KLF12: variants seen among roughly 807,000 people sequenced by gnomAD.
KLF12 encodes the protein Krueppel-like factor 12.
A neutral mutation model predicts 37.8 loss-of-function variants in KLF12; 9 were observed. The ratio of observed to expected loss-of-function variants is 0.24; its 90% CI spans 0.14 to 0.42. KLF12 has a LOEUF of 0.42. KLF12 is among the 10% of genes least tolerant of loss of function. KLF12 has a pLI of 1.00. For missense variants in KLF12, 411 were observed against 516.0 expected (o/e 0.80, Z 1.97); for synonymous variants, 208 against 202.1 (o/e 1.03, Z -0.25).
intron 6 of KLF12, among the ~76,000 whole-genome samples, chr13:73,760,709 G>A (rs1443106841): frequency 1.3e-5 from 2 of 152,076 alleles, no homozygotes; most frequent in Non-Finnish European, 2.9e-5. Context: ...CACTACCACT[G>A]TTACACAACA....
intron 4 of KLF12, among the ~76,000 whole-genome samples, chr13:73,814,030 GTTAC>G (rs201054827): frequency 0.042 from 6,450 of 152,250 alleles, 203 homozygotes; most frequent in African/African-American, 0.092. Context: ...AAATGAGAGG[GTTAC>G]TTACTGTCAA....
chr13:73,687,639 C>G lies in KLF12; in HGVS notation c.*7851G>C, dbSNP rs547651285. ...AGATGTTGGTATGTCCCTAAAATATCTTACTTTTTGATTGCTTGGACACTT... is the reference window on the plus strand; with the variant it reads ...AGATGTTGGTATGTCCCTAAAATATGTTACTTTTTGATTGCTTGGACACTT... On this transcript the variant is annotated 3_prime_UTR_variant, in exon 8 of 8. Coordinates refer to ENST00000377669, the MANE Select transcript of KLF12 (RefSeq NM_007249.5). 5 of 151,994 alleles carry G rather than the reference C, an allele frequency of 3.3e-5. No homozygotes were observed. Among genetic ancestry groups the G allele is most frequent in the Admixed American group, 6.6e-5 (1 of 15,250 alleles). 9.4% of individuals were successfully genotyped at this position (151,994 alleles called of 1,614,324 possible). A position where few individuals can be genotyped will look rare whatever the true frequency, so the allele number is the denominator to read the frequency against.
At chr13:74,245,870 AT>A in the KLF12 span, among the ~76,000 whole-genome samples, 29 of 152,358 alleles carry the variant, frequency 1.9e-4, no homozygotes, top group African/African-American at 6.5e-4. Flanking sequence ...TAATACTAGA[AT>A]TTTAAAAAAT....
chr13:74,181,935 T>A, the KLF12 span, among the ~76,000 whole-genome samples: 1 of 152,202 alleles, frequency 6.6e-6, no homozygotes, highest in East Asian at 1.9e-4. Flanking sequence ...TGTGAGTTTG[T>A]GTATGTGCAC....
At chr13:73,809,186 G>A (rs1882799721) in intron 5 of KLF12, among the ~76,000 whole-genome samples, 1 of 152,122 alleles carries the variant, frequency 6.6e-6, no homozygotes, top group Admixed American at 6.5e-5. Flanking sequence ...TCAAGTACAG[G>A]AAACAGAGAG....
At chr13:74,039,604 A>G (rs1893349139) in intron 1 of KLF12, among the ~76,000 whole-genome samples, 1 of 152,254 alleles carries the variant, frequency 6.6e-6, no homozygotes, top group African/African-American at 2.4e-5. Flanking sequence ...AAAAAATTAT[A>G]AAATAATTTT....
intron 1 of KLF12, among the ~76,000 whole-genome samples, chr13:74,090,665 T>C (rs1357529856): frequency 6.6e-6 from 1 of 152,122 alleles, no homozygotes; most frequent in Non-Finnish European, 1.5e-5. Flanking sequence ...AAAGTATCTC[T>C]TGAGGTCTGT....
chr13:73,963,703 A>AT (rs1280118710), intron 2 of KLF12, among the ~76,000 whole-genome samples: 1 of 152,214 alleles, frequency 6.6e-6, no homozygotes, highest in Non-Finnish European at 1.5e-5. Context: ...TAAATCTTTC[A>AT]TTTTCAATAC....
chr13:74,263,474 C>T, the KLF12 span, among the ~76,000 whole-genome samples: 1 of 152,300 alleles, frequency 6.6e-6, no homozygotes, highest in East Asian at 1.9e-4. Context: ...TATTTGTCAG[C>T]TCACGTTTGA....
chr13:74,178,595 T>C, the KLF12 span, among the ~76,000 whole-genome samples: 1 of 152,204 alleles, frequency 6.6e-6, no homozygotes, highest in African/African-American at 2.4e-5. Context: ...AGGGTTTAAG[T>C]TGACATTAAA....
intron 3 of KLF12, among the ~76,000 whole-genome samples, chr13:73,907,688 G>A (rs963500427): frequency 6.6e-6 from 1 of 152,160 alleles, no homozygotes; most frequent in African/African-American, 2.4e-5. Flanking sequence ...GTTCATCCTG[G>A]CATCTGGTTC....
intron 3 of KLF12, among the ~76,000 whole-genome samples, chr13:73,894,558 T>A (rs1407118195): frequency 6.6e-6 from 1 of 152,240 alleles, no homozygotes; most frequent in Non-Finnish European, 1.5e-5. Context: ...GCACGCCCAC[T>A]CTACTAAACT....
At chr13:73,954,031 T>C (rs1418184009) in intron 2 of KLF12, among the ~76,000 whole-genome samples, 3 of 138,466 alleles carry the variant, frequency 2.2e-5, no homozygotes, top group Non-Finnish European at 4.5e-5. Flanking sequence ...CAGGCTAGAG[T>C]GCAGTGACGT....
At chr13:73,825,487 C>G (rs1351601051) in intron 4 of KLF12, among the ~76,000 whole-genome samples, 1 of 152,190 alleles carries the variant, frequency 6.6e-6, no homozygotes, top group African/African-American at 2.4e-5. Flanking sequence ...TCTGCTTTCC[C>G]AACTTTAAAC....
At chr13:73,821,313 C>T (rs1194929995) in intron 4 of KLF12, among the ~76,000 whole-genome samples, 1 of 152,132 alleles carries the variant, frequency 6.6e-6, no homozygotes, top group African/African-American at 2.4e-5. Flanking sequence ...AATACCAAAT[C>T]AACATTCTCA....
chr13:74,134,956 G>T (rs1196261922), upstream of KLF12, among the ~76,000 whole-genome samples: 2 of 151,892 alleles, frequency 1.3e-5, no homozygotes, highest in East Asian at 3.9e-4. Flanking sequence ...CGGGACTGTG[G>T]GGCAGCTCGC....
intron 3 of KLF12, among the ~76,000 whole-genome samples, chr13:73,925,981 T>C (rs557757199): frequency 2.6e-5 from 4 of 152,064 alleles, no homozygotes; most frequent in African/African-American, 9.6e-5. Context: ...AGATGAGGAG[T>C]CGCTTTTTCC....
intron 5 of KLF12, among the ~76,000 whole-genome samples, chr13:73,803,065 A>G (rs948292683): frequency 2.6e-5 from 4 of 152,194 alleles, no homozygotes; most frequent in Admixed American, 2.0e-4. Context: ...TTTGCTCTGC[A>G]TGGTTTTTTG....
chr13:74,215,626 C>G, the KLF12 span, among the ~76,000 whole-genome samples: 1 of 152,136 alleles, frequency 6.6e-6, no homozygotes, highest in African/African-American at 2.4e-5. Flanking sequence ...CACCTGATGG[C>G]CTTTCTTTGG....
Sources: allele counts gnomAD v4.1 joint callset (sites outside exome capture counted in the v4.1 genomes callset), GRCh38; gene constraint gnomAD v4.1.1; transcripts MANE v1.5; gene names NCBI Gene and HGNC (gene_info 2026-07-23, HGNC 2026-07-21).